Variants in MGAT5 observed in about 807,000 individuals in gnomAD.
MGAT5 encodes the protein alpha-1,6-mannosylglycoprotein 6-beta-N-acetylglucosaminyltransferase, also known as alpha-1,6-mannosylglycoprotein 6-beta-N-acetylglucosaminyltransferase A.
In MGAT5, 30 loss-of-function variants were observed where a neutral mutation model predicts 94.3. The observed-to-expected ratio is 0.32, with a 90% CI of 0.24 to 0.43. The LOEUF is 0.43. MGAT5 is among the 20% of genes least tolerant of loss of function. The probability of loss-of-function intolerance (pLI) is 1.00; values close to 1 mark genes in which losing one functional copy is unlikely to be tolerated. For missense variants in MGAT5, 691 were observed against 905.5 expected (o/e 0.76, Z 3.04); for synonymous variants, 310 against 322.9 (o/e 0.96, Z 0.43).
At chr2:134,123,593 G>A (rs1685713102) in intron 1 of MGAT5, among the ~76,000 whole-genome samples, 1 of 152,160 alleles carries the variant, frequency 6.6e-6, no homozygotes, top group Non-Finnish European at 1.5e-5. Flanking sequence ...GAGTGGTTGG[G>A]GGTGGCATTC....
intron 4 of MGAT5, among the ~76,000 whole-genome samples, chr2:134,326,211 A>G (rs1324910455): frequency 6.6e-6 from 1 of 152,008 alleles, no homozygotes; most frequent in Non-Finnish European, 1.5e-5. Context: ...AGAAGAAACC[A>G]TTTATTTCCC....
intron 1 of MGAT5, among the ~76,000 whole-genome samples, chr2:134,226,499 A>G (rs1257208): frequency 0.83 from 125,649 of 152,118 alleles, 52,052 homozygotes; most frequent in Non-Finnish European, 0.84. Flanking sequence ...TTGCTTTTAC[A>G]TACTCCTTTG....
At chr2:134,126,397 T>C (rs991110159) in intron 1 of MGAT5, among the ~76,000 whole-genome samples, 2 of 152,214 alleles carry the variant, frequency 1.3e-5, no homozygotes, top group Admixed American at 1.3e-4. Flanking sequence ...CAAAGATCCG[T>C]TCAGTTCCTA....
intron 1 of MGAT5, among the ~76,000 whole-genome samples, chr2:134,184,079 T>C (rs1259169587): frequency 1.3e-5 from 2 of 152,224 alleles, no homozygotes; most frequent in African/African-American, 4.8e-5. Context: ...AAATAAAGAA[T>C]CTTAGCTTTA....
intron 12 of MGAT5, among the ~76,000 whole-genome samples, chr2:134,415,737 G>A (rs963675393): frequency 3.0e-4 from 46 of 152,054 alleles, no homozygotes; most frequent in African/African-American, 1.1e-3. Flanking sequence ...TTTCCTCGTA[G>A]TTGTGCTGTT....
At chr2:134,423,529 C>T (rs1216340959) in intron 13 of MGAT5, among the ~76,000 whole-genome samples, 3 of 152,146 alleles carry the variant, frequency 2.0e-5, no homozygotes, top group Non-Finnish European at 4.4e-5. Flanking sequence ...CCAGTAAAGA[C>T]GAGTTCAGTT....
At chr2:134,180,373 G>T (rs1285663177) in intron 1 of MGAT5, among the ~76,000 whole-genome samples, 1 of 152,124 alleles carries the variant, frequency 6.6e-6, no homozygotes, top group Non-Finnish European at 1.5e-5. Flanking sequence ...CAACTCTAGG[G>T]CTATTTTTAA....
rs74264859 is a variant in MGAT5, at chr2:134,224,763, A to G, written c.-142-29499A>G. Among the ~76,000 whole-genome samples, 54 of 152,210 alleles carry G rather than the reference A, an allele frequency of 3.5e-4. 1 individual carries two copies. In the East Asian group the frequency reaches 8.7e-3, roughly 25 times the overall value. ...TAGACGCTTAATGGAATAAAAGACA[A>G]AGATCACTGGGTGCCTTAGGAATTT... On this transcript the variant is annotated intron_variant, in intron 1 of 16. Coordinates refer to the MGAT5 transcript ENST00000409645.
rs866021864 is a variant in MGAT5, at chr2:134,152,104, G to A, written c.-143+31813G>A. Among the ~76,000 whole-genome samples the A allele has an allele frequency of 6.2e-3, 596 of 95,898 alleles. 1 individual carries two copies. Among genetic ancestry groups the A allele is most frequent in the African/African-American group, 0.021 (516 of 24,420 alleles). The allele number at this position is 95,898 out of a possible 152,430, so 62.9% of individuals were successfully genotyped here. On this transcript the variant is annotated intron_variant, in intron 1 of 16. Transcript: ENST00000409645. The stretch of plus-strand genomic sequence containing the variant: ...CACTCACTCATCCCCTCTGGGACCC[G>A]CCCACCGCCATGGGACCTCACTCAC...
chr2:134,149,330 T>A (rs1317785960), intron 1 of MGAT5, among the ~76,000 whole-genome samples: 1 of 152,140 alleles, frequency 6.6e-6, no homozygotes, highest in African/African-American at 2.4e-5. Flanking sequence ...ATCCTCCATG[T>A]GGATTCTACT....
At chr2:134,411,496 G>C (rs568103610) in intron 11 of MGAT5, among the ~76,000 whole-genome samples, 58 of 152,306 alleles carry the variant, frequency 3.8e-4, no homozygotes, top group Middle Eastern at 6.8e-3. Context: ...AAACCAAAAA[G>C]ATTGAGTACC....
intron 1 of MGAT5, among the ~76,000 whole-genome samples, chr2:134,146,470 G>C (rs1243500818): frequency 6.6e-6 from 1 of 152,046 alleles, no homozygotes; most frequent in Non-Finnish European, 1.5e-5. Context: ...TGAGGTGGTA[G>C]TGTCTTTTGA....
At chr2:134,233,504 G>A (rs917451832) in intron 1 of MGAT5, among the ~76,000 whole-genome samples, 1 of 152,188 alleles carries the variant, frequency 6.6e-6, no homozygotes, top group African/African-American at 2.4e-5. Flanking sequence ...GTTTCACACA[G>A]ATATGCTTAC....
intron 12 of MGAT5, among the ~76,000 whole-genome samples, chr2:134,421,274 ATGTT>A (rs1191712843): frequency 6.6e-6 from 1 of 152,196 alleles, no homozygotes; most frequent in Non-Finnish European, 1.5e-5. Context: ...AATTCAATGT[ATGTT>A]TGAACTGTCA....
At chr2:134,145,810 G>A (rs1256140436) in intron 1 of MGAT5, among the ~76,000 whole-genome samples, 1 of 152,146 alleles carries the variant, frequency 6.6e-6, no homozygotes, top group Non-Finnish European at 1.5e-5. Flanking sequence ...ACACATGAAA[G>A]TCCCTTAAAC....
At chr2:134,292,804 G>A (rs1386333050) in intron 2 of MGAT5, among the ~76,000 whole-genome samples, 1 of 152,156 alleles carries the variant, frequency 6.6e-6, no homozygotes, top group Non-Finnish European at 1.5e-5. Flanking sequence ...GACTCTCAAC[G>A]ACATACAGAG....
At chr2:134,215,516 G>A (rs1330767031) in intron 1 of MGAT5, among the ~76,000 whole-genome samples, 3 of 152,198 alleles carry the variant, frequency 2.0e-5, no homozygotes, top group Non-Finnish European at 2.9e-5. Flanking sequence ...GACCAAACAT[G>A]AGAAGGGATT....
rs58666142 is a variant in MGAT5 at position 134,450,783 on chromosome 2, AGTGT to A, written c.*1981_*1984del. The A allele has an allele frequency of 0.16, 21,678 of 136,916 alleles. 1,402 individuals are homozygous for A. Among genetic ancestry groups the A allele is most frequent in the South Asian group, 0.2 (790 of 3,886 alleles). The allele number at this position is 136,916 out of a possible 1,614,324, so 8.5% of individuals were successfully genotyped here. The stretch of plus-strand genomic sequence containing the variant: ...AGTCCAAAGGAAACCTTGGTGAGTG[AGTGT>A]GTGTGTGTGTGTGTGTGTGTGTGTG... On this transcript the variant is annotated 3_prime_UTR_variant, in exon 16 of 16. Coordinates refer to ENST00000281923, the MANE Select transcript of MGAT5 (RefSeq NM_002410.5).
intron 1 of MGAT5, among the ~76,000 whole-genome samples, chr2:134,193,157 A>AT (rs1679314841): frequency 6.8e-6 from 1 of 146,474 alleles, no homozygotes; most frequent in African/African-American, 2.5e-5. Flanking sequence ...AGGTCTCGCT[A>AT]TGTTACCCAG....
Sources: gnomAD v4.1 joint callset for allele counts (sites outside exome capture counted in the v4.1 genomes callset) on GRCh38, gnomAD v4.1.1 for gene constraint, MANE v1.5 for transcripts, NCBI Gene and HGNC (gene_info 2026-07-23, HGNC 2026-07-21) for gene names.